ADGB: variants seen among roughly 807,000 people sequenced by gnomAD.
ADGB encodes the protein calpain-7-like protein.
Under a neutral mutation model 210.5 loss-of-function variants are expected in ADGB, and 172 were observed. That is an observed-to-expected ratio of 0.82 (90% CI 0.72 to 0.93). The LOEUF is 0.93. Among genes scored for constraint, ADGB ranks in the 40% least tolerant of loss-of-function variants. The pLI is 0.00. For synonymous variants in ADGB, 658 were observed against 662.7 expected (o/e 0.99, Z 0.11); for missense variants, 2,025 against 1,964.8 (o/e 1.03, Z -0.58).
chr6:146,699,619 C>T (rs1776460019), intron 12 of ADGB, among the ~76,000 whole-genome samples: 1 of 152,130 alleles, frequency 6.6e-6, no homozygotes, highest in South Asian at 2.1e-4. Context: ...TTTTACTGGT[C>T]ATCTAGGCAG....
At chr6:146,766,185 G>C in intron 28 of ADGB, among the ~76,000 whole-genome samples, 1 of 151,902 alleles carries the variant, frequency 6.6e-6, no homozygotes, top group Non-Finnish European at 1.5e-5. Flanking sequence ...CACTTTGGGA[G>C]GCTGAGGCTG....
chr6:146,613,901 A>G (rs1330831531), intron 1 of ADGB, among the ~76,000 whole-genome samples: 1 of 151,888 alleles, frequency 6.6e-6, no homozygotes, highest in African/African-American at 2.4e-5. Context: ...TAATATTTTA[A>G]TAAAATTATA....
In ADGB at chr6:146,784,715, A is replaced by C; in HGVS notation, c.4133A>C (p.Lys1378Thr). ...EHNESELFEV[K>T]KDTERADEIR... The stretch of plus-strand genomic sequence containing the variant: ...AATGAATCAGAATTATTTGAAGTGA[A>C]AAAGGATACAGAAAGGGCAGATGAA... Residue 1378 changes from lysine (K) to threonine (T), a missense_variant, in exon 31 of 36, where the codon AAA (lysine) becomes ACA (threonine). Physicochemically the swap from Lys to Thr is moderately conservative, Grantham distance 78. Coordinates refer to ENST00000397944, the MANE Select transcript of ADGB (RefSeq NM_024694.4). 6.4e-7 allele frequency: 1 copy of C among 1,551,394 alleles called. No individual in the cohort carries two copies. The highest frequency in any genetic ancestry group is 8.7e-7 in the Non-Finnish European group (1 of 1,146,798).
chr6:146,733,789 T>A, intron 21 of ADGB, 104 bp from the exon 22 acceptor site: 1 of 1,213,694 alleles, frequency 8.2e-7, no homozygotes, highest in Non-Finnish European at 1.2e-6. Context: ...ACTCTTGCAA[T>A]GTAGAATTTT....
intron 27 of ADGB, among the ~76,000 whole-genome samples, chr6:146,754,768 TG>T (rs1393997734): frequency 2.0e-5 from 3 of 152,048 alleles, no homozygotes; most frequent in Admixed American, 2.0e-4. Context: ...ATTTGACTGG[TG>T]TTTTTCCAGT....
rs139276833 is a variant in ADGB, at chr6:146,635,347, A to T, written c.75-28A>T. ...GATCTCAGAGATTTTAATTAAACCT[A>T]ACCCACCCACTCTCTGTCTCTGTCT... On this transcript the variant is annotated intron_variant, in intron 1 of 35. Coordinates refer to ENST00000397944, the MANE Select transcript of ADGB (RefSeq NM_024694.4). 1,076 of 1,400,402 alleles carry T rather than the reference A, an allele frequency of 7.7e-4. 9 individuals carry two copies. In the African/African-American group the frequency reaches 0.013, roughly 17 times the overall value. The allele number at this position is 1,400,402 out of a possible 1,614,324, so 86.7% of individuals were successfully genotyped here.
chr6:146,688,283 A>G (rs2114918910), intron 10 of ADGB, among the ~76,000 whole-genome samples: 1 of 151,564 alleles, frequency 6.6e-6, no homozygotes, highest in Middle Eastern at 3.4e-3. Context: ...ATATGGTTAA[A>G]TGAATGAAAA....
chr6:146,620,976 T>C (rs903822606), intron 1 of ADGB, among the ~76,000 whole-genome samples: 1 of 152,174 alleles, frequency 6.6e-6, no homozygotes, highest in Non-Finnish European at 1.5e-5. Flanking sequence ...AACACTGCTC[T>C]ACTGTTGCTT....
At chr6:146,638,316 T>C (rs1449152127) in intron 2 of ADGB, among the ~76,000 whole-genome samples, 1 of 151,950 alleles carries the variant, frequency 6.6e-6, no homozygotes, top group African/African-American at 2.4e-5. Context: ...AAATAAAACA[T>C]AAAAAGCTGT....
intron 1 of ADGB, among the ~76,000 whole-genome samples, chr6:146,618,362 C>T (rs1780834901): frequency 2.0e-5 from 3 of 150,664 alleles, no homozygotes; most frequent in African/African-American, 7.3e-5. Flanking sequence ...TATTTTTATT[C>T]GTCAGAAATA....
intron 29 of ADGB, among the ~76,000 whole-genome samples, chr6:146,772,655 A>G (rs1777667611): frequency 6.8e-6 from 1 of 147,930 alleles, no homozygotes; most frequent in East Asian, 1.9e-4. Context: ...ATATTTGCCT[A>G]AATTTATTTA....
intron 8 of ADGB, 56 bp downstream of exon 8, chr6:146,672,523 T>G: frequency 6.8e-7 from 1 of 1,460,602 alleles, no homozygotes; most frequent in Non-Finnish European, 9.1e-7. Context: ...ATAAATGCCT[T>G]ACAATTTTAT....
At chr6:146,794,264 T>A (rs1778002950) in intron 33 of ADGB, among the ~76,000 whole-genome samples, 1 of 152,176 alleles carries the variant, frequency 6.6e-6, no homozygotes, top group Non-Finnish European at 1.5e-5. Flanking sequence ...GAACTGGTTG[T>A]GTATGTTAAA....
chr6:146,809,483 G>A (rs1365646926), intron 35 of ADGB, among the ~76,000 whole-genome samples: 3 of 152,058 alleles, frequency 2.0e-5, no homozygotes, highest in Admixed American at 6.6e-5. Flanking sequence ...TGGGATTACA[G>A]GCTGGAGCCA....
intron 2 of ADGB, 118 bp from the exon 3 acceptor site, chr6:146,644,655 C>T (rs1308721905): frequency 5.5e-6 from 3 of 549,174 alleles, no homozygotes; most frequent in Non-Finnish European, 9.2e-6. Flanking sequence ...AGAACACAAA[C>T]TGCTTTGTAA....
chr6:146,627,644 T>A (rs536911392), intron 1 of ADGB, among the ~76,000 whole-genome samples: 1 of 152,192 alleles, frequency 6.6e-6, no homozygotes, highest in South Asian at 2.1e-4. Context: ...CTCAGGTACT[T>A]TTTTTCCCCG....
chr6:146,802,812 A>T (rs1236023201), intron 35 of ADGB: 1 of 1,608,032 alleles, frequency 6.2e-7, no homozygotes, highest in Non-Finnish European at 8.5e-7. Flanking sequence ...AACTGTAATA[A>T]ATAAGCATCT....
At chr6:146,743,946 C>T (rs866662494) in intron 25 of ADGB, among the ~76,000 whole-genome samples, 1 of 151,956 alleles carries the variant, frequency 6.6e-6, no homozygotes, top group Non-Finnish European at 1.5e-5. Flanking sequence ...TGGAGAAATG[C>T]GGAGGAGTAT....
intron 26 of ADGB, among the ~76,000 whole-genome samples, chr6:146,751,202 C>T (rs1777315376): frequency 6.7e-6 from 1 of 148,478 alleles, no homozygotes; most frequent in Non-Finnish European, 1.5e-5. Context: ...CATTGTTCAG[C>T]TCCCACTTAT....
Sources: allele counts gnomAD v4.1 joint callset (sites outside exome capture counted in the v4.1 genomes callset), GRCh38; gene constraint gnomAD v4.1.1; transcripts MANE v1.5; gene names NCBI Gene and HGNC (gene_info 2026-07-23, HGNC 2026-07-21).